Variants in SLC36A1 observed in about 807,000 individuals in gnomAD.
SLC36A1 encodes solute carrier family 36 member 1.
In SLC36A1, 30 loss-of-function variants were observed where a neutral mutation model predicts 47.5. The ratio of observed to expected loss-of-function variants is 0.63; its 90% CI spans 0.47 to 0.86. The LOEUF (loss-of-function observed/expected upper bound fraction) is 0.86. SLC36A1 is among the 40% of genes least tolerant of loss of function. The pLI is 0.00. For synonymous variants in SLC36A1, 255 were observed against 249.7 expected (o/e 1.02, Z -0.20); for missense variants, 517 against 606.0 (o/e 0.85, Z 1.54).
At chr5:151,367,572 A>G in the SLC36A1 span, among the ~76,000 whole-genome samples, 1 of 151,998 alleles carries the variant, frequency 6.6e-6, no homozygotes, top group Non-Finnish European at 1.5e-5. Flanking sequence ...TTCAAGGTGC[A>G]CTGATTTCAT....
chr5:151,446,045 T>C (rs1405566909), upstream of SLC36A1, among the ~76,000 whole-genome samples: 1 of 152,178 alleles, frequency 6.6e-6, no homozygotes, highest in African/African-American at 2.4e-5. Context: ...TCCAGTTTCC[T>C]GAGGTATAAT....
At chr5:151,513,276 A>G in the SLC36A1 span, among the ~76,000 whole-genome samples, 1 of 152,244 alleles carries the variant, frequency 6.6e-6, no homozygotes, top group Non-Finnish European at 1.5e-5. Context: ...TCATAAAAAT[A>G]TATAAAGACA....
chr5:151,499,321 G>A, the SLC36A1 span, among the ~76,000 whole-genome samples: 8 of 152,234 alleles, frequency 5.3e-5, no homozygotes, highest in Non-Finnish European at 1.2e-4. Context: ...CCTGTCCTTA[G>A]ACACCGCACC....
intron 1 of SLC36A1, among the ~76,000 whole-genome samples, chr5:151,450,199 G>C (rs188257306): frequency 6.6e-6 from 1 of 152,148 alleles, no homozygotes; most frequent in Non-Finnish European, 1.5e-5. Context: ...CTAGCACGTA[G>C]AGTGGACGGA....
the SLC36A1 span, among the ~76,000 whole-genome samples, chr5:151,500,938 G>T: frequency 2.0e-5 from 3 of 152,182 alleles, no homozygotes; most frequent in Non-Finnish European, 4.4e-5. Flanking sequence ...CGCAGGCTGC[G>T]GAAGAAAAGG....
chr5:151,353,046 G>A, the SLC36A1 span, among the ~76,000 whole-genome samples: 3 of 152,234 alleles, frequency 2.0e-5, no homozygotes, highest in African/African-American at 7.2e-5. Context: ...GGTGAAAGGA[G>A]GGGAGGAGAA....
chr5:151,394,532 T>G, the SLC36A1 span, among the ~76,000 whole-genome samples: 2 of 152,226 alleles, frequency 1.3e-5, no homozygotes, highest in African/African-American at 2.4e-5. Flanking sequence ...TCTTTGTGGT[T>G]TTATCTACCT....
chr5:151,494,621 C>G (rs1382321030), downstream of SLC36A1, among the ~76,000 whole-genome samples: 7 of 152,180 alleles, frequency 4.6e-5, no homozygotes, highest in South Asian at 2.1e-4. Flanking sequence ...CATGTTGTTA[C>G]ATGTATCTGT....
At chr5:151,424,109 G>A in the SLC36A1 span, among the ~76,000 whole-genome samples, 5 of 152,154 alleles carry the variant, frequency 3.3e-5, no homozygotes, top group African/African-American at 1.2e-4. Flanking sequence ...ATGGCAGGCG[G>A]GGCTGCCTAT....
At chr5:151,346,400 C>T in the SLC36A1 span, among the ~76,000 whole-genome samples, 2 of 152,160 alleles carry the variant, frequency 1.3e-5, no homozygotes, top group Non-Finnish European at 1.5e-5. Context: ...CTGCAGTGCA[C>T]CCCCGAGAAA....
chr5:151,550,407 C>T, the SLC36A1 span, among the ~76,000 whole-genome samples: 1 of 152,212 alleles, frequency 6.6e-6, no homozygotes, highest in South Asian at 2.1e-4. Context: ...GCCGTCCCAT[C>T]TCTACCTTCA....
Position 151,466,787 on chromosome 5 carries a change from T to G in SLC36A1, c.420-412T>G, listed in dbSNP as rs73796593. Among the ~76,000 whole-genome samples the G allele has an allele frequency of 4.9e-3, 748 of 152,304 alleles. 4 individuals are homozygous for G. The highest frequency in any genetic ancestry group is 0.017 in the African/African-American group (718 of 41,568). The stretch of plus-strand genomic sequence containing the variant: ...GGGGCTGGGCAGTGGTCATGGTGTC[T>G]GTGCATGTGTCTCACCTCATGCAGC... On this transcript the variant is annotated intron_variant, in intron 5 of 10. Transcript: ENST00000243389.
chr5:151,522,893 A>C, the SLC36A1 span, among the ~76,000 whole-genome samples: 1 of 152,222 alleles, frequency 6.6e-6, no homozygotes, highest in Non-Finnish European at 1.5e-5. Context: ...AGTTAATGTC[A>C]GAACTGTGAA....
At chr5:151,543,086 C>T in the SLC36A1 span, 2 of 1,614,098 alleles carry the variant, frequency 1.2e-6, no homozygotes, top group Non-Finnish European at 8.5e-7. Context: ...TTAGGAACCA[C>T]CTGAAGTCGT....
At chr5:151,350,145 C>T in the SLC36A1 span, among the ~76,000 whole-genome samples, 3 of 152,174 alleles carry the variant, frequency 2.0e-5, no homozygotes, top group East Asian at 3.9e-4. Flanking sequence ...CACCCTCCCC[C>T]GGCCCCGGGT....
chr5:151,483,348 T>C (rs1455116616), intron 10 of SLC36A1, among the ~76,000 whole-genome samples: 2 of 152,264 alleles, frequency 1.3e-5, no homozygotes, highest in Non-Finnish European at 2.9e-5. Flanking sequence ...GAAGGGAAGA[T>C]GTTTTGTAAT....
At chr5:151,542,980 A>G in the SLC36A1 span, 181 of 1,614,082 alleles carry the variant, frequency 1.1e-4, no homozygotes, top group Non-Finnish European at 1.5e-4. Context: ...TTGAGCTGCC[A>G]CTGCTTTAAC....
At chr5:151,355,225 T>A in the SLC36A1 span, among the ~76,000 whole-genome samples, 1 of 151,558 alleles carries the variant, frequency 6.6e-6, no homozygotes, top group Admixed American at 6.6e-5. Flanking sequence ...ACACAGGAGT[T>A]TTTCAAGAGA....
chr5:151,462,687 T>G (rs1376035499), intron 2 of SLC36A1, among the ~76,000 whole-genome samples: 1 of 151,466 alleles, frequency 6.6e-6, no homozygotes, highest in East Asian at 2.0e-4. Context: ...TTTTAAATAC[T>G]AAATGTATCA....
Sources: gnomAD v4.1 joint callset for allele counts (sites outside exome capture counted in the v4.1 genomes callset) on GRCh38, gnomAD v4.1.1 for gene constraint, MANE v1.5 for transcripts, NCBI Gene and HGNC (gene_info 2026-07-23, HGNC 2026-07-21) for gene names.